Variants in NRF1 observed in about 807,000 individuals in gnomAD.
NRF1 encodes the protein nuclear respiratory factor 1.
Under a neutral mutation model 58.5 loss-of-function variants are expected in NRF1, and 5 were observed. The ratio of observed to expected loss-of-function variants is 0.09; its 90% CI spans 0.04 to 0.18. NRF1 has a LOEUF of 0.18. NRF1 is among the 10% of genes least tolerant of loss of function. The pLI, the probability that NRF1 is intolerant of heterozygous loss-of-function variation, is 1.00. For missense variants in NRF1, 288 were observed against 657.7 expected, an observed-to-expected ratio of 0.44 and a Z score of 6.15; for synonymous variants, 224 against 246.7, an observed-to-expected ratio of 0.91 and a Z score of 0.86.
chr7:129,632,557 T>A (rs1049369014), intron 1 of NRF1, among the ~76,000 whole-genome samples: 5 of 152,132 alleles, frequency 3.3e-5, no homozygotes, highest in African/African-American at 9.7e-5. Flanking sequence ...CCTTCCCAGC[T>A]GTGACCATTA....
Position 129,757,035 on chromosome 7 carries a change from T to A in NRF1, c.*1854T>A, listed in dbSNP as rs991177414. 9.8e-5 allele frequency: 15 copies of A among 152,610 alleles called. No homozygotes were observed. The highest frequency in any genetic ancestry group is 3.1e-4 in the African/African-American group (13 of 41,450). The allele number at this position is 152,610 out of a possible 1,614,324, so 9.5% of individuals were successfully genotyped here. A position where few individuals can be genotyped will look rare whatever the true frequency, so the allele number is the denominator to read the frequency against. On this transcript the variant is annotated 3_prime_UTR_variant, in exon 11 of 11. Transcript: ENST00000393232. ...GGATTCTGTGTTGTTTCCCATTCTGTCTTTGACTGCCTCATTCAATAAATA... is the reference window on the plus strand; with the variant it reads ...GGATTCTGTGTTGTTTCCCATTCTGACTTTGACTGCCTCATTCAATAAATA...
intron 9 of NRF1, among the ~76,000 whole-genome samples, chr7:129,722,689 A>G (rs781470999): frequency 6.6e-6 from 1 of 152,182 alleles, no homozygotes; most frequent in Non-Finnish European, 1.5e-5. Flanking sequence ...AAGTTAAAGA[A>G]GATAACTTCA....
intron 2 of NRF1, among the ~76,000 whole-genome samples, chr7:129,668,744 C>T (rs989402774): frequency 2.0e-5 from 3 of 152,138 alleles, no homozygotes; most frequent in African/African-American, 7.2e-5. Flanking sequence ...AAGAGTATTA[C>T]TATATGATTT....
Position 129,728,245 on chromosome 7 carries a change from C to T in NRF1, c.1348+880C>T, listed in dbSNP as rs555497611. On this transcript the variant is annotated intron_variant, in intron 10 of 10. Transcript: ENST00000393232. The stretch of plus-strand genomic sequence containing the variant: ...TAAAGTCCTGGAATGGGGCTGGGCA[C>T]GGTGGCTCATGCCTATTAATCCCAG... Among the ~76,000 whole-genome samples the T allele has an allele frequency of 1.9e-4, 29 of 152,152 alleles. No individual in the cohort carries two copies. The East Asian group carries it at 4.4e-3, about 23-fold the overall frequency.
At chr7:129,676,191 A>C (rs1200019447) in intron 3 of NRF1, among the ~76,000 whole-genome samples, 2 of 152,234 alleles carry the variant, frequency 1.3e-5, no homozygotes, top group Non-Finnish European at 2.9e-5. Flanking sequence ...CTTTCTCCAT[A>C]TCAGCAATAA....
intron 10 of NRF1, among the ~76,000 whole-genome samples, chr7:129,742,820 A>G (rs1803879872): frequency 6.6e-6 from 1 of 152,144 alleles, no homozygotes; most frequent in African/African-American, 2.4e-5. Context: ...GGCTATTTAA[A>G]CTTAATTAAA....
chr7:129,734,583 C>T (rs940001532), intron 10 of NRF1, among the ~76,000 whole-genome samples: 14 of 152,192 alleles, frequency 9.2e-5, no homozygotes, highest in Admixed American at 2.6e-4. Context: ...CTGAGTGCCC[C>T]GGGCTCAGCA....
rs534853206 is a variant in NRF1, at chr7:129,726,961, A to G, written c.1224-280A>G. ...GATATTGATAAGGAAGAAACTGATA[A>G]TGAGTGCCTTCTGTCCTCAAACACT... is the stretch of plus-strand genomic sequence containing the variant. On this transcript the variant is annotated intron_variant, in intron 9 of 10. Transcript: ENST00000393232. 5.2e-4 allele frequency among the ~76,000 whole-genome samples: 79 copies of G among 152,370 alleles called. 2 individuals are homozygous for G. The South Asian group carries it at 0.014, about 27-fold the overall frequency.
At chr7:129,711,735 T>C (rs534342727) in intron 8 of NRF1, among the ~76,000 whole-genome samples, 159 bp downstream of exon 8, 1 of 152,362 alleles carries the variant, frequency 6.6e-6, no homozygotes, top group East Asian at 1.9e-4. Flanking sequence ...AAGTGTCTTA[T>C]GCTATGTGTA....
At chr7:129,707,112 GC>G (rs1400471355) in intron 5 of NRF1, among the ~76,000 whole-genome samples, 1 of 152,232 alleles carries the variant, frequency 6.6e-6, no homozygotes, top group East Asian at 1.9e-4. Flanking sequence ...TCCTGCCTCA[GC>G]CTCTCTAGTA....
intron 3 of NRF1, among the ~76,000 whole-genome samples, chr7:129,672,197 GA>G (rs1802062904): frequency 1.6e-5 from 2 of 123,796 alleles, no homozygotes; most frequent in African/African-American, 3.1e-5. Flanking sequence ...CACGCCAGGA[GA>G]TCTTTTTTTT....
intron 1 of NRF1, among the ~76,000 whole-genome samples, chr7:129,635,438 A>G (rs1447077196): frequency 6.6e-6 from 1 of 152,104 alleles, no homozygotes; most frequent in African/African-American, 2.4e-5. Context: ...AAGAGGACCG[A>G]GCCTTTGCTT....
intron 10 of NRF1, chr7:129,744,213 G>T: frequency 6.5e-7 from 1 of 1,542,462 alleles, no homozygotes; most frequent in South Asian, 1.2e-5. Context: ...AGTGGATCCT[G>T]ACTGACAAAG....
At chr7:129,613,036 T>C (rs886284377) in intron 1 of NRF1, among the ~76,000 whole-genome samples, 1 of 152,222 alleles carries the variant, frequency 6.6e-6, no homozygotes, top group Admixed American at 6.5e-5. Context: ...TTTCTTTATG[T>C]GGTCAGAGCA....
chr7:129,659,313 G>A (rs1026665739), intron 2 of NRF1, among the ~76,000 whole-genome samples: 5 of 151,994 alleles, frequency 3.3e-5, no homozygotes, highest in African/African-American at 7.3e-5. Flanking sequence ...TCCTGACCTC[G>A]GGTGATCCAC....
chr7:129,648,405 G>A (rs981536792), intron 1 of NRF1, among the ~76,000 whole-genome samples: 6 of 149,730 alleles, frequency 4.0e-5, no homozygotes, highest in South Asian at 2.1e-4. Flanking sequence ...TCTGCCTCCC[G>A]AGTAGCTGGG....
chr7:129,685,748 A>C (rs1310587052), intron 4 of NRF1, among the ~76,000 whole-genome samples: 1 of 152,270 alleles, frequency 6.6e-6, no homozygotes, highest in South Asian at 2.1e-4. Flanking sequence ...AATTATGGCA[A>C]GGATACTTGG....
At position 129,677,617 on chromosome 7, in the gene NRF1, C is replaced by G. The variant is rs769804181; in HGVS notation, c.339-15C>G. ...TTTTTAAAACTTTTTATTCTTGTTTCCTTTTCTGATTCAGGAAACTTCGAG... is the reference window on the plus strand; with the variant it reads ...TTTTTAAAACTTTTTATTCTTGTTTGCTTTTCTGATTCAGGAAACTTCGAG... On this transcript the variant is annotated splice_polypyrimidine_tract_variant and intron_variant, in intron 3 of 10. Transcript: ENST00000393232. 6.2e-7 allele frequency: 1 copy of G among 1,612,348 alleles called. No individual in the cohort carries two copies. Among genetic ancestry groups the G allele is most frequent in the African/African-American group, 1.3e-5 (1 of 74,792 alleles).
intron 5 of NRF1, among the ~76,000 whole-genome samples, chr7:129,694,529 T>C (rs1802642778): frequency 1.3e-5 from 2 of 152,124 alleles, no homozygotes; most frequent in Non-Finnish European, 2.9e-5. Flanking sequence ...CATGCCTGGC[T>C]AATTTTTTTT....
Sources: gnomAD v4.1 joint callset for allele counts (sites outside exome capture counted in the v4.1 genomes callset) on GRCh38, gnomAD v4.1.1 for gene constraint, MANE v1.5 for transcripts, NCBI Gene and HGNC (gene_info 2026-07-23, HGNC 2026-07-21) for gene names.